The following NT5M variants were observed in gnomAD, a reference collection of about 807,000 sequenced individuals.
NT5M encodes the protein 5'(3')-deoxyribonucleotidase, mitochondrial.
In NT5M, 22 loss-of-function variants were observed where a neutral mutation model predicts 22.2. The ratio of observed to expected loss-of-function variants is 0.99; its 90% confidence interval spans 0.71 to 1.41. NT5M has a LOEUF of 1.41. Among genes scored for constraint, NT5M ranks in the 40% most tolerant of loss-of-function variants. The pLI, the probability that NT5M is intolerant of heterozygous loss-of-function variation, is 0.00. For synonymous variants in NT5M, 167 were observed against 133.0 expected, an observed-to-expected ratio of 1.26 and a Z score of -1.76; for missense variants, 322 against 314.8, an observed-to-expected ratio of 1.02 and a Z score of -0.17.
chr17:17,307,900 A>G (rs958402772), intron 2 of NT5M, among the ~76,000 whole-genome samples: 7 of 151,706 alleles, frequency 4.6e-5, no homozygotes, highest in Non-Finnish European at 7.4e-5. Context: ...AATACAAACA[A>G]TTAGCTGGGC....
intron 2 of NT5M, among the ~76,000 whole-genome samples, chr17:17,314,059 A>G (rs2048974055): frequency 8.6e-6 from 1 of 116,114 alleles, no homozygotes; most frequent in Admixed American, 7.9e-5. Context: ...TTTGAGATGG[A>G]GTCTTGCTCT....
At chr17:17,312,644 C>CA (rs35712658) in intron 2 of NT5M, among the ~76,000 whole-genome samples, 79,504 of 107,184 alleles carry the variant, frequency 0.74, 29,195 homozygotes, top group Non-Finnish European at 0.77. Flanking sequence ...AACTCCATCT[C>CA]AAAAAAAAAA....
chr17:17,305,963 A>G (rs553539256), intron 1 of NT5M, among the ~76,000 whole-genome samples: 7 of 151,696 alleles, frequency 4.6e-5, no homozygotes, highest in Admixed American at 1.3e-4. Context: ...TTGCTTTGCA[A>G]CTCTAAAAGC....
At chr17:17,326,286 C>T (rs968167133) in intron 3 of NT5M, among the ~76,000 whole-genome samples, 7 of 152,322 alleles carry the variant, frequency 4.6e-5, no homozygotes, top group African/African-American at 1.7e-4. Flanking sequence ...CCAGGTCTGA[C>T]GCTTGGCCAG....
intron 1 of NT5M, among the ~76,000 whole-genome samples, chr17:17,305,262 C>T (rs777508262): frequency 1.3e-5 from 2 of 151,994 alleles, no homozygotes; most frequent in Admixed American, 6.6e-5. Context: ...GGCAAAGGCA[C>T]GGGGCAGTAA....
chr17:17,321,534 C>T (rs568889072), intron 2 of NT5M, among the ~76,000 whole-genome samples: 21 of 151,738 alleles, frequency 1.4e-4, no homozygotes, highest in South Asian at 4.2e-4. Flanking sequence ...GGAAATGGGG[C>T]GGGTGTGTCC....
intron 3 of NT5M, among the ~76,000 whole-genome samples, chr17:17,337,682 A>C (rs2049546321): frequency 1.3e-5 from 2 of 152,124 alleles, no homozygotes; most frequent in Non-Finnish European, 2.9e-5. Context: ...GAGCCATCAC[A>C]CGCAGCCACC....
chr17:17,335,695 C>T (rs1033255200), intron 3 of NT5M, among the ~76,000 whole-genome samples: 5 of 149,688 alleles, frequency 3.3e-5, no homozygotes, highest in South Asian at 2.1e-4. Flanking sequence ...TGCAGTGGCG[C>T]GATCTCTGCT....
intron 2 of NT5M, among the ~76,000 whole-genome samples, chr17:17,317,643 T>C (rs1355638006): frequency 6.6e-6 from 1 of 152,074 alleles, no homozygotes; most frequent in Non-Finnish European, 1.5e-5. Context: ...GTGCAGCCAG[T>C]GTGGAAAAAC....
intron 3 of NT5M, among the ~76,000 whole-genome samples, chr17:17,328,850 C>T (rs1283704239): frequency 1.3e-5 from 2 of 152,106 alleles, no homozygotes; most frequent in Non-Finnish European, 2.9e-5. Context: ...GAAGGTTTCC[C>T]AACATTCTAA....
rs536500336 is a variant in NT5M at position 17,330,067 on chromosome 17, G to A, written c.429+6822G>A. 3.3e-5 allele frequency among the ~76,000 whole-genome samples: 5 copies of A among 152,260 alleles called. No individual in the cohort carries two copies. In the East Asian group the frequency reaches 7.7e-4, roughly 24 times the overall value. ...TGTAATCCCAGCACTTTGGGAGGCC[G>A]AGGTGGGCAGATCATGAGGTCAGGA... On this transcript the variant is annotated intron_variant, in intron 3 of 4. Transcript: ENST00000389022.
At chr17:17,308,598 A>G (rs1270632278) in intron 2 of NT5M, among the ~76,000 whole-genome samples, 1 of 152,138 alleles carries the variant, frequency 6.6e-6, no homozygotes, top group African/African-American at 2.4e-5. Context: ...TCTCAAAAAA[A>G]AAAAGAGACA....
At chr17:17,338,126 A>C (rs143948053) in intron 3 of NT5M, among the ~76,000 whole-genome samples, 1 of 150,944 alleles carries the variant, frequency 6.6e-6, no homozygotes, top group South Asian at 2.1e-4. Context: ...TCCCCAATAT[A>C]TGTTCTTGGC....
At chr17:17,305,426 C>T (rs1597736257) in intron 1 of NT5M, among the ~76,000 whole-genome samples, 1 of 138,988 alleles carries the variant, frequency 7.2e-6, no homozygotes, top group Non-Finnish European at 1.5e-5. Context: ...ACACGTGGCT[C>T]CTTATGTGTA....
intron 3 of NT5M, among the ~76,000 whole-genome samples, chr17:17,326,751 C>T (rs2049275844): frequency 6.6e-6 from 1 of 152,138 alleles, no homozygotes; most frequent in Admixed American, 6.5e-5. Context: ...GGCGTGGCTT[C>T]CCAGAGGAGT....
At chr17:17,308,381 C>G (rs888727790) in intron 2 of NT5M, among the ~76,000 whole-genome samples, 1 of 152,006 alleles carries the variant, frequency 6.6e-6, no homozygotes, top group Admixed American at 6.6e-5. Context: ...ATCAAGAGGT[C>G]AGGAGTTCGA....
At chr17:17,310,859 C>G (rs962034682) in intron 2 of NT5M, among the ~76,000 whole-genome samples, 1 of 152,032 alleles carries the variant, frequency 6.6e-6, no homozygotes, top group Non-Finnish European at 1.5e-5. Flanking sequence ...GAGACCCTGT[C>G]TAAAAAGAAA....
At chr17:17,344,173 A>C (rs899700046) in intron 3 of NT5M, among the ~76,000 whole-genome samples, 1 of 151,982 alleles carries the variant, frequency 6.6e-6, no homozygotes, top group East Asian at 1.9e-4. Context: ...ACCCTGCCCC[A>C]TGTCCGTTAG....
chr17:17,319,183 C>G (rs923729686), intron 2 of NT5M, among the ~76,000 whole-genome samples: 2 of 148,784 alleles, frequency 1.3e-5, no homozygotes, highest in African/African-American at 4.9e-5. Flanking sequence ...TACTGCACTC[C>G]AGCCTGGGCA....
Sources: gnomAD v4.1 joint callset for allele counts (sites outside exome capture counted in the v4.1 genomes callset) on GRCh38, gnomAD v4.1.1 for gene constraint, MANE v1.5 for transcripts, NCBI Gene and HGNC (gene_info 2026-07-23, HGNC 2026-07-21) for gene names.